Variants in SPIRE1 observed in about 807,000 individuals in gnomAD.
SPIRE1 encodes protein spire homolog 1.
A neutral mutation model predicts 94.1 loss-of-function variants in SPIRE1; 40 were observed. The observed-to-expected ratio is 0.43, with a 90% CI of 0.33 to 0.55. The LOEUF (loss-of-function observed/expected upper bound fraction) is 0.55, where lower values mean the gene tolerates loss of function less well. Ranked by LOEUF, SPIRE1 falls within the 20% of genes least tolerant of loss-of-function variation. The pLI, the probability that SPIRE1 is intolerant of heterozygous loss-of-function variation, is 0.06. For synonymous variants in SPIRE1, 376 were observed against 371.7 expected, an observed-to-expected ratio of 1.01 and a Z score of -0.13; for missense variants, 838 against 975.2, an observed-to-expected ratio of 0.86 and a Z score of 1.87.
chr18:12,453,166 A>G (rs762943786), intron 13 of SPIRE1, 28 bp from the exon 14 acceptor site: 10 of 1,539,880 alleles, frequency 6.5e-6, no homozygotes, highest in Admixed American at 3.8e-5. Context: ...AAGAGGAAAA[A>G]AAACATTGCC....
rs1354892838 is a variant in SPIRE1 at position 12,642,379 on chromosome 18, T to C, written c.338-7283A>G. Among the ~76,000 whole-genome samples, 4 of 152,112 alleles carry C rather than the reference T, an allele frequency of 2.6e-5. No homozygotes were observed. In the South Asian group the frequency reaches 8.3e-4, roughly 31 times the overall value. Reference sequence around the variant, plus strand: ...TTTTTGACATAGACTACACTTTGCTTCCTAGATTTGTAACTAAATCCCTTA... The same window carrying C: ...TTTTTGACATAGACTACACTTTGCTCCCTAGATTTGTAACTAAATCCCTTA... On this transcript the variant is annotated intron_variant, in intron 1 of 16. Coordinates refer to ENST00000409402, the MANE Select transcript of SPIRE1 (RefSeq NM_001128626.2).
intron 4 of SPIRE1, among the ~76,000 whole-genome samples, chr18:12,534,379 A>T (rs2034778935): frequency 6.6e-6 from 1 of 152,216 alleles, no homozygotes; most frequent in Non-Finnish European, 1.5e-5. Context: ...AAAAGAAATG[A>T]TACTGTGACA....
rs117872401 is a variant in SPIRE1, at chr18:12,451,288, T to G, written c.2012+967A>C. ...TCATTTATGTATTTATCAAACAAGC[T>G]TCTCCCTCCCCAACAATTCCCTGTA... On this transcript the variant is annotated intron_variant, in intron 16 of 16. Coordinates refer to ENST00000409402, the MANE Select transcript of SPIRE1 (RefSeq NM_001128626.2). Among the ~76,000 whole-genome samples the G allele has an allele frequency of 8.7e-4, 132 of 152,172 alleles. 1 individual carries two copies. Among genetic ancestry groups the G allele is most frequent in the Admixed American group, 1.9e-3 (29 of 15,254 alleles).
intron 7 of SPIRE1, among the ~76,000 whole-genome samples, chr18:12,493,520 C>T (rs1427034754): frequency 1.3e-5 from 2 of 152,114 alleles, no homozygotes; most frequent in Non-Finnish European, 2.9e-5. Flanking sequence ...GATTCTCGTG[C>T]CTCAGCCTCC....
At chr18:12,552,340 C>T (rs906001336) in intron 2 of SPIRE1, among the ~76,000 whole-genome samples, 2 of 152,174 alleles carry the variant, frequency 1.3e-5, no homozygotes, top group Non-Finnish European at 2.9e-5. Flanking sequence ...CACTATCCCT[C>T]TCCCAACGCC....
At chr18:12,518,329 T>A (rs1462472351) in intron 4 of SPIRE1, among the ~76,000 whole-genome samples, 1 of 152,040 alleles carries the variant, frequency 6.6e-6, no homozygotes, top group Non-Finnish European at 1.5e-5. Context: ...ATAACTCAGT[T>A]AAAATATGCT....
chr18:12,634,125 G>A (rs1006412198), intron 2 of SPIRE1, among the ~76,000 whole-genome samples: 1 of 151,934 alleles, frequency 6.6e-6, no homozygotes, highest in Non-Finnish European at 1.5e-5. Context: ...GCGGGCGCCT[G>A]TAGTCCCAGC....
intron 2 of SPIRE1, among the ~76,000 whole-genome samples, chr18:12,551,658 C>A (rs1406524601): frequency 6.6e-6 from 1 of 151,382 alleles, no homozygotes; most frequent in Non-Finnish European, 1.5e-5. Context: ...GCCAACATCA[C>A]GCCACTGCAC....
In SPIRE1 at chr18:12,449,509, G is replaced by T; in HGVS notation, c.*129C>A. On this transcript the variant is annotated 3_prime_UTR_variant, in exon 17 of 17. Coordinates refer to ENST00000409402, the MANE Select transcript of SPIRE1 (RefSeq NM_001128626.2). ...TTCAGTCTGTGGAACAATGTGATGC[G>T]GCAAAAATCTGATCTAATGCAAATT... 2.1e-6 allele frequency: 2 copies of T among 965,632 alleles called. No individual in the cohort carries two copies. The highest frequency in any genetic ancestry group is 5.5e-5 in the Admixed American group (2 of 36,340). The allele number at this position is 965,632 out of a possible 1,614,324, so 59.8% of individuals were successfully genotyped here. A position where few individuals can be genotyped will look rare whatever the true frequency, so the allele number is the denominator to read the frequency against.
At chr18:12,480,809 G>C (rs757570790) in intron 9 of SPIRE1, among the ~76,000 whole-genome samples, 12 of 152,148 alleles carry the variant, frequency 7.9e-5, no homozygotes, top group Non-Finnish European at 1.8e-4. Context: ...TTCAAATGAA[G>C]AGTTAAAAAT....
At chr18:12,615,915 C>T (rs2037294980) in intron 2 of SPIRE1, among the ~76,000 whole-genome samples, 1 of 152,182 alleles carries the variant, frequency 6.6e-6, no homozygotes, top group Non-Finnish European at 1.5e-5. Flanking sequence ...ATAAGAATCT[C>T]CTTAGCAACC....
At chr18:12,618,036 G>A (rs955128693) in intron 2 of SPIRE1, among the ~76,000 whole-genome samples, 3 of 152,024 alleles carry the variant, frequency 2.0e-5, no homozygotes, top group African/African-American at 4.8e-5. Flanking sequence ...ATTTTCCTAA[G>A]AGCTCCTATC....
intron 4 of SPIRE1, among the ~76,000 whole-genome samples, chr18:12,518,089 C>T (rs1181914445): frequency 2.6e-5 from 4 of 152,202 alleles, no homozygotes; most frequent in African/African-American, 9.6e-5. Flanking sequence ...TGGCTCACCG[C>T]AGCCTCAACT....
At chr18:12,569,253 G>A (rs1357319093) in intron 2 of SPIRE1, among the ~76,000 whole-genome samples, 1 of 151,034 alleles carries the variant, frequency 6.6e-6, no homozygotes, top group Non-Finnish European at 1.5e-5. Context: ...TGAGGCAGGA[G>A]AATGGCGTGA....
intron 1 of SPIRE1, among the ~76,000 whole-genome samples, chr18:12,641,686 G>A (rs1453579047): frequency 1.3e-5 from 2 of 151,980 alleles, no homozygotes; most frequent in East Asian, 1.9e-4. Flanking sequence ...AATTTCTAAA[G>A]TGCAGTGGCC....
Position 12,485,965 on chromosome 18 carries a change from A to C in SPIRE1, c.1225T>G (p.Leu409Val). Residue 409 changes from leucine to valine, a missense_variant, in exon 9 of 17, where the codon TTG (leucine) becomes GTG (valine). Leu to Val is a conservative substitution (Grantham distance 32). Around this residue, in one of 2 missense-constraint regions of SPIRE1, gnomAD observed 645 missense variants for 804.7 expected, o/e 0.80. Coordinates refer to ENST00000409402, the MANE Select transcript of SPIRE1 (RefSeq NM_001128626.2). ...RPLSMSYSFD[L>V]SDVTTPESTK... ...GTGTTTTTGTTTTTTTTACCTGACA[A>C]GTCAAAACTGTAAGACATGCTAAGT... 6.5e-7 allele frequency: 1 copy of C among 1,531,568 alleles called. No homozygotes were observed. The allele number at this position is 1,531,568 out of a possible 1,614,324, so 94.9% of individuals were successfully genotyped here.
intron 2 of SPIRE1, among the ~76,000 whole-genome samples, chr18:12,598,684 G>A (rs1035974287): frequency 2.0e-5 from 3 of 152,134 alleles, no homozygotes; most frequent in African/African-American, 4.8e-5. Context: ...GGGAAAGCAT[G>A]CAGCCCTGAT....
intron 2 of SPIRE1, among the ~76,000 whole-genome samples, chr18:12,553,576 C>T (rs1331985135): frequency 2.0e-5 from 3 of 151,970 alleles, no homozygotes; most frequent in African/African-American, 7.3e-5. Flanking sequence ...GAATACCAGG[C>T]AGAAAAGTAG....
At position 12,446,805 on chromosome 18, in the gene SPIRE1, T is replaced by G. The variant is rs1366354227; in HGVS notation, c.*2833A>C. On this transcript the variant is annotated 3_prime_UTR_variant, in exon 17 of 17. Transcript: ENST00000409402. ...AATATAGTTAGAAAAATAAAAGGCT[T>G]AAAAATTTCATAGTACGAGTTCATG... is the stretch of plus-strand genomic sequence containing the variant. The G allele has an allele frequency of 6.6e-6, 1 of 152,228 alleles. No homozygotes were observed. Among genetic ancestry groups the G allele is most frequent in the Non-Finnish European group, 1.5e-5 (1 of 68,038 alleles). The allele number at this position is 152,228 out of a possible 1,614,324, so 9.4% of individuals were successfully genotyped here.
Sources: allele counts gnomAD v4.1 joint callset (sites outside exome capture counted in the v4.1 genomes callset), GRCh38; gene constraint gnomAD v4.1.1; regional missense constraint gnomAD v4.1.1; transcripts MANE v1.5; gene names NCBI Gene and HGNC (gene_info 2026-07-23, HGNC 2026-07-21).